DZIP1: variants seen among roughly 807,000 people sequenced by gnomAD.
DZIP1 encodes DAZ interacting zinc finger protein 1.
A neutral mutation model predicts 107.6 loss-of-function variants in DZIP1; 97 were observed. The ratio of observed to expected loss-of-function variants is 0.90; its 90% CI spans 0.77 to 1.07. The LOEUF (loss-of-function observed/expected upper bound fraction) is 1.07. DZIP1 is among the 50% of genes least tolerant of loss of function. The pLI, the probability that DZIP1 is intolerant of heterozygous loss-of-function variation, is 0.00. For missense variants in DZIP1, 1,035 were observed against 1,063.6 expected (o/e 0.97, Z 0.37); for synonymous variants, 390 against 386.4 (o/e 1.01, Z -0.11).
intron 13 of DZIP1, among the ~76,000 whole-genome samples, chr13:95,606,367 G>A (rs2044776768): frequency 7.3e-6 from 1 of 136,744 alleles, no homozygotes; most frequent in Non-Finnish European, 1.6e-5. Flanking sequence ...AAATACCCAT[G>A]CCCCATACCC....
At chr13:95,604,208 G>A (rs148488705) in intron 14 of DZIP1, among the ~76,000 whole-genome samples, 6 of 152,314 alleles carry the variant, frequency 3.9e-5, no homozygotes, top group Admixed American at 2.0e-4. Flanking sequence ...CAGGGGACCC[G>A]ACCTACAATG....
At chr13:95,617,940 G>A (rs1205774328) in intron 10 of DZIP1, 1 of 519,044 alleles carries the variant, frequency 1.9e-6, no homozygotes, top group Non-Finnish European at 3.8e-6. Context: ...ATCAAGATGA[G>A]CATCTGGAGG....
rs747858836 is a variant in DZIP1 at position 95,579,097 on chromosome 13, G to A, written c.*3137C>T. On this transcript the variant is annotated 3_prime_UTR_variant, in exon 23 of 23. Coordinates refer to ENST00000376829, the MANE Select transcript of DZIP1 (RefSeq NM_198968.4). ...TTATATCCTACTGCTCAAGGTCATC[G>A]CCAAGGTGTGATTGGAAAAATTCAA... The A allele has an allele frequency of 2.6e-5, 4 of 152,174 alleles. No homozygotes were observed. The highest frequency in any genetic ancestry group is 4.8e-5 in the African/African-American group (2 of 41,432). The allele number at this position is 152,174 out of a possible 1,614,324, so 9.4% of individuals were successfully genotyped here.
chr13:95,597,952 G>C (rs1321361461), intron 15 of DZIP1, among the ~76,000 whole-genome samples: 1 of 152,160 alleles, frequency 6.6e-6, no homozygotes. Context: ...CCTGGGCTGT[G>C]GTGGTCTTTA....
chr13:95,595,348 C>A (rs1226770135), intron 15 of DZIP1, among the ~76,000 whole-genome samples: 2 of 144,518 alleles, frequency 1.4e-5, no homozygotes, highest in Admixed American at 7.1e-5. Context: ...CAAAATTAGT[C>A]AAATTACTTT....
chr13:95,603,197 G>A (rs2044668605), intron 14 of DZIP1, among the ~76,000 whole-genome samples: 1 of 149,300 alleles, frequency 6.7e-6, no homozygotes, highest in Non-Finnish European at 1.5e-5. Flanking sequence ...GTGCACCCCT[G>A]CAGTCTCAAC....
intron 14 of DZIP1, among the ~76,000 whole-genome samples, chr13:95,600,599 G>GATAA (rs2044590150): frequency 7.0e-6 from 1 of 143,614 alleles, no homozygotes; most frequent in South Asian, 2.3e-4. Flanking sequence ...ATGATAGATA[G>GATAA]ATAGATAGAT....
At position 95,611,301 on chromosome 13, in the gene DZIP1, A is replaced by G. The variant is rs558871179; in HGVS notation, c.1363+144T>C. On this transcript the variant is annotated intron_variant, in intron 12 of 22. Coordinates refer to ENST00000376829, the MANE Select transcript of DZIP1 (RefSeq NM_198968.4). ...GGTAACAAATCTCTCAAATTAAAAT[A>G]ATAGAGGACAGATCTACGAAATCAA... 15 of 651,334 alleles carry G rather than the reference A, an allele frequency of 2.3e-5. No individual in the cohort carries two copies. The African/African-American group carries it at 2.4e-4, about 10-fold the overall frequency. 40.3% of individuals were successfully genotyped at this position (651,334 alleles called of 1,614,324 possible). A position where few individuals can be genotyped will look rare whatever the true frequency, so the allele number is the denominator to read the frequency against.
At chr13:95,611,968 A>G in intron 11 of DZIP1, 69 bp downstream of exon 11, 1 of 1,554,664 alleles carries the variant, frequency 6.4e-7, no homozygotes, top group South Asian at 1.2e-5. Context: ...GCTCTAAAGT[A>G]AAAACACATG....
At chr13:95,588,205 TGTTC>T (rs1384407257) in intron 19 of DZIP1, 1 of 152,630 alleles carries the variant, frequency 6.6e-6, no homozygotes, top group Non-Finnish European at 1.5e-5. Flanking sequence ...TTCAAAGCAG[TGTTC>T]GTTCATTTAA....
chr13:95,641,592 C>T lies in DZIP1; in HGVS notation c.300G>A (p.Lys100=). The change falls in exon 5 of 23, where the codon AAG becomes AAA. Residue 100 remains lysine (K), a synonymous_variant. Coordinates refer to ENST00000376829, the MANE Select transcript of DZIP1 (RefSeq NM_198968.4). This position sits in a 1 kb window ranked among gnomAD's most constrained non-coding sequence, Gnocchi z 4.3. ...AGTGTGGGCACTTCTCGTCTTCCAGCTTGCAGAAGGTGATGTTCATGATGT... is the reference window on the plus strand; with the variant it reads ...AGTGTGGGCACTTCTCGTCTTCCAGTTTGCAGAAGGTGATGTTCATGATGT... ...QENIMNITFC[K]LEDEKCPHCQ... 2 of 1,613,388 alleles carry T rather than the reference C, an allele frequency of 1.2e-6. No individual in the cohort carries two copies. The highest frequency in any genetic ancestry group is 2.2e-5 in the East Asian group (1 of 44,892).
intron 13 of DZIP1, among the ~76,000 whole-genome samples, chr13:95,607,685 A>T (rs941601410): frequency 2.0e-5 from 3 of 152,228 alleles, no homozygotes; most frequent in Non-Finnish European, 4.4e-5. Context: ...GAAAAAAAAA[A>T]ATACAGAATA....
At chr13:95,602,770 G>A (rs1014082084) in intron 14 of DZIP1, among the ~76,000 whole-genome samples, 2 of 152,182 alleles carry the variant, frequency 1.3e-5, no homozygotes, top group African/African-American at 4.8e-5. Flanking sequence ...CTCTCCTTTA[G>A]AGGGTGGAAT....
chr13:95,627,589 A>G (rs1174302500), intron 7 of DZIP1, among the ~76,000 whole-genome samples: 1 of 152,214 alleles, frequency 6.6e-6, no homozygotes, highest in Non-Finnish European at 1.5e-5. Flanking sequence ...ATGAGATACC[A>G]CTTCCCACCC....
In DZIP1 at chr13:95,630,072, T is replaced by A. The variant is rs1877015073; in HGVS notation, c.727A>T (p.Ile243Phe). The A allele has an allele frequency of 6.2e-7, 1 of 1,613,732 alleles. No individual in the cohort carries two copies. Among genetic ancestry groups the A allele is most frequent in the African/African-American group, 1.3e-5 (1 of 74,910 alleles). ...NAQIEKLRSEIVVLKEELQLT... is the reference protein window; with the variant it reads ...NAQIEKLRSEFVVLKEELQLT... ...TGCAGCTCTTCCTTCAATACGACGA[T>A]CTCACTCCGGAGCTTCTCAATCTGT... is the stretch of plus-strand genomic sequence containing the variant. The change falls in exon 7 of 23, where the codon ATC (isoleucine) becomes TTC (phenylalanine). Residue 243 changes from isoleucine (I) to phenylalanine (F), a missense_variant. Coordinates refer to ENST00000376829, the MANE Select transcript of DZIP1 (RefSeq NM_198968.4).
rs905320672 is a variant in DZIP1, at chr13:95,642,018, C to T, written c.12G>A (p.Glu4=). MQA[E]AADWFSSMPF... ...CCATGCTTGAAAACCAATCCGCTGC[C>T]TCAGCTTGCATAGGAGGAGCCGGGC... is the stretch of plus-strand genomic sequence containing the variant. The change falls in exon 4 of 23, where the codon GAG becomes GAA. Residue 4 remains glutamate (E), a synonymous_variant. Transcript: ENST00000376829. 7 of 1,576,976 alleles carry T rather than the reference C, an allele frequency of 4.4e-6. No individual in the cohort carries two copies. The Admixed American group carries it at 7.3e-5, about 16-fold the overall frequency.
chr13:95,632,416 C>T (rs1379690479), intron 6 of DZIP1, among the ~76,000 whole-genome samples: 1 of 152,130 alleles, frequency 6.6e-6, no homozygotes, highest in African/African-American at 2.4e-5. Context: ...TCCTCTGTAG[C>T]TTCTGGGTCC....
intron 12 of DZIP1, among the ~76,000 whole-genome samples, chr13:95,610,003 C>CT (rs998872000): frequency 2.6e-5 from 4 of 151,012 alleles, no homozygotes; most frequent in African/African-American, 9.7e-5. Flanking sequence ...CTTCTGGTCT[C>CT]TTTTTTTATT....
At chr13:95,640,629 A>C (rs772419544) in intron 5 of DZIP1, among the ~76,000 whole-genome samples, 1 of 152,226 alleles carries the variant, frequency 6.6e-6, no homozygotes, top group African/African-American at 2.4e-5. Flanking sequence ...CTTGGACTCA[A>C]TGTCTAACCC....
Sources: allele counts gnomAD v4.1 joint callset (sites outside exome capture counted in the v4.1 genomes callset), GRCh38; gene constraint gnomAD v4.1.1; non-coding constraint Gnocchi (gnomAD v3.1); transcripts MANE v1.5; gene names NCBI Gene and HGNC (gene_info 2026-07-23, HGNC 2026-07-21).